The following CSMD1 variants were observed in gnomAD, a reference collection of about 807,000 sequenced individuals.
The protein encoded by CSMD1 is CUB and sushi domain-containing protein 1.
CSMD1 carries 213 observed loss-of-function variants against 417.5 expected under a neutral mutation model. The ratio of observed to expected loss-of-function variants is 0.51; its 90% CI spans 0.46 to 0.57. The LOEUF (loss-of-function observed/expected upper bound fraction) is 0.57. CSMD1 is among the 20% of genes least tolerant of loss of function. CSMD1 has a pLI of 0.00. For missense variants in CSMD1, 6,923 were observed against 4,529.7 expected (o/e 1.53, Z -15.17); for synonymous variants, 2,862 against 1,736.8 (o/e 1.65, Z -16.11).
intron 3 of CSMD1, among the ~76,000 whole-genome samples, chr8:4,339,093 T>TAGACAAAAGAGCTC (rs1246994917): frequency 6.6e-6 from 1 of 152,106 alleles, no homozygotes; most frequent in East Asian, 1.9e-4. Context: ...ATTCTGAGTC[T>TAGACAAAAGAGCTC]AGACAAAAGA....
At chr8:4,377,392 T>G (rs946767976) in intron 3 of CSMD1, among the ~76,000 whole-genome samples, 27 of 152,304 alleles carry the variant, frequency 1.8e-4, no homozygotes, top group African/African-American at 6.3e-4. Context: ...AGTCGTTATA[T>G]CTAAACTACT....
At chr8:4,663,826 T>C (rs1341056111) in intron 1 of CSMD1, among the ~76,000 whole-genome samples, 1 of 152,162 alleles carries the variant, frequency 6.6e-6, no homozygotes, top group African/African-American at 2.4e-5. Flanking sequence ...GCAGAACAAA[T>C]CCAGGATCGT....
At chr8:3,943,906 G>A (rs1488461728) in intron 5 of CSMD1, among the ~76,000 whole-genome samples, 1 of 152,104 alleles carries the variant, frequency 6.6e-6, no homozygotes, top group African/African-American at 2.4e-5. Flanking sequence ...CTGTGATGCT[G>A]AATTAGGTTC....
intron 54 of CSMD1, among the ~76,000 whole-genome samples, chr8:2,979,137 C>T (rs1194290969): frequency 2.6e-5 from 4 of 152,176 alleles, no homozygotes; most frequent in South Asian, 2.1e-4. Flanking sequence ...AGCTGAGGTT[C>T]GTTTAAATAT....
chr8:2,944,771 C>A (rs934819036), intron 68 of CSMD1, among the ~76,000 whole-genome samples: 1 of 152,124 alleles, frequency 6.6e-6, no homozygotes, highest in Non-Finnish European at 1.5e-5. Context: ...AAACATTGAT[C>A]TTCAAGTTTC....
In CSMD1 at chr8:4,693,208, G is replaced by A. The variant is rs147093845; in HGVS notation, c.86-55650C>T. 2.4e-3 allele frequency among the ~76,000 whole-genome samples: 371 copies of A among 152,296 alleles called. No individual in the cohort carries two copies. In the Middle Eastern group the frequency reaches 0.027, roughly 11 times the overall value. ...TCAGTAATGAAATGTGAGACACCAT[G>A]CTCACCCCTTGGGTGACGGCCATGA... On this transcript the variant is annotated intron_variant, in intron 1 of 69. Transcript: ENST00000635120.
intron 3 of CSMD1, among the ~76,000 whole-genome samples, chr8:4,267,927 C>G (rs953060324): frequency 1.3e-5 from 2 of 152,076 alleles, no homozygotes; most frequent in African/African-American, 4.8e-5. Flanking sequence ...CTCACTTATT[C>G]ATGCCTCATA....
intron 2 of CSMD1, among the ~76,000 whole-genome samples, chr8:4,434,466 C>A (rs1798040587): frequency 6.6e-6 from 1 of 152,078 alleles, no homozygotes; most frequent in Non-Finnish European, 1.5e-5. Flanking sequence ...TATGAAGTCC[C>A]CACACTCTAA....
At chr8:3,895,276 C>A (rs1807283373) in intron 5 of CSMD1, among the ~76,000 whole-genome samples, 1 of 152,116 alleles carries the variant, frequency 6.6e-6, no homozygotes, top group Admixed American at 6.5e-5. Context: ...CTACTGCTTT[C>A]TATTTAAATT....
intron 5 of CSMD1, among the ~76,000 whole-genome samples, chr8:3,858,492 T>C (rs1804466134): frequency 6.6e-6 from 1 of 152,162 alleles, no homozygotes; most frequent in Non-Finnish European, 1.5e-5. Context: ...ATTCCAACCA[T>C]TTGTAGAAAT....
chr8:3,810,570 G>C (rs1353518399), intron 5 of CSMD1, among the ~76,000 whole-genome samples: 3 of 152,140 alleles, frequency 2.0e-5, no homozygotes, highest in African/African-American at 2.4e-5. Context: ...CAGTCTACAA[G>C]GGTTAGAAGG....
chr8:4,321,281 T>A (rs1312999679), intron 3 of CSMD1, among the ~76,000 whole-genome samples: 1 of 152,172 alleles, frequency 6.6e-6, no homozygotes, highest in East Asian at 1.9e-4. Flanking sequence ...TGTGTTGGTA[T>A]GTTCAGAGCT....
At chr8:4,465,098 G>A (rs1444432211) in intron 2 of CSMD1, among the ~76,000 whole-genome samples, 1 of 152,082 alleles carries the variant, frequency 6.6e-6, no homozygotes, top group African/African-American at 2.4e-5. Context: ...GGTTTTCACT[G>A]GGAGACACTA....
At chr8:4,167,714 G>T (rs920954758) in intron 3 of CSMD1, among the ~76,000 whole-genome samples, 3 of 152,186 alleles carry the variant, frequency 2.0e-5, no homozygotes, top group African/African-American at 7.2e-5. Flanking sequence ...GTCAGGCTGG[G>T]TGCAGTGGTT....
chr8:4,884,279 C>T (rs559069731), intron 1 of CSMD1, among the ~76,000 whole-genome samples: 2 of 151,936 alleles, frequency 1.3e-5, no homozygotes, highest in Non-Finnish European at 2.9e-5. Context: ...TTACAAGTAT[C>T]TTACCAGATA....
intron 2 of CSMD1, among the ~76,000 whole-genome samples, chr8:4,542,134 G>C (rs1797416969): frequency 6.6e-6 from 1 of 152,094 alleles, no homozygotes; most frequent in African/African-American, 2.4e-5. Context: ...GTTTGGGCAA[G>C]TAAACACTAT....
At chr8:3,500,205 G>A (rs1182523346) in intron 10 of CSMD1, among the ~76,000 whole-genome samples, 1 of 152,254 alleles carries the variant, frequency 6.6e-6, no homozygotes, top group South Asian at 2.1e-4. Context: ...CTTCAGTACA[G>A]TGTTCTCCCC....
chr8:3,252,309 A>C (rs566548539), intron 26 of CSMD1, among the ~76,000 whole-genome samples: 2 of 152,178 alleles, frequency 1.3e-5, no homozygotes, highest in African/African-American at 2.4e-5. Flanking sequence ...TTCTGCATCT[A>C]TTGGGATTAT....
intron 7 of CSMD1, among the ~76,000 whole-genome samples, chr8:3,633,587 T>C (rs113050393): frequency 1.0e-3 from 154 of 152,360 alleles, no homozygotes; most frequent in African/African-American, 3.3e-3. Context: ...CTACTTAAAT[T>C]TTCATCTTAA....
Sources: allele counts gnomAD v4.1 joint callset (sites outside exome capture counted in the v4.1 genomes callset), GRCh38; gene constraint gnomAD v4.1.1; transcripts MANE v1.5; gene names NCBI Gene and HGNC (gene_info 2026-07-23, HGNC 2026-07-21).